UBAP2L: variants seen among roughly 807,000 people sequenced by gnomAD.
UBAP2L encodes ubiquitin associated protein 2 like, also known as ubiquitin-associated protein 2-like.
In UBAP2L, 12 loss-of-function variants were observed where a neutral mutation model predicts 130.6. The observed-to-expected ratio is 0.09, with a 90% CI of 0.06 to 0.15. The LOEUF is 0.15. Among genes scored for constraint, UBAP2L ranks in the 10% least tolerant of loss-of-function variants. The pLI, the probability that UBAP2L is intolerant of heterozygous loss-of-function variation, is 1.00. For synonymous variants in UBAP2L, 503 were observed against 524.7 expected (o/e 0.96, Z 0.57); for missense variants, 965 against 1,332.5 (o/e 0.72, Z 4.29).
At chr1:154,269,488 C>G in intron 26 of UBAP2L, 2 of 1,196,238 alleles carry the variant, frequency 1.7e-6, no homozygotes, top group Non-Finnish European at 2.2e-6. Flanking sequence ...CCTCAGGGAA[C>G]TTGAAAAGAC....
chr1:154,226,931 T>C lies in UBAP2L; in HGVS notation c.91-351T>C, dbSNP rs1668133245. Among the ~76,000 whole-genome samples the C allele has an allele frequency of 3.9e-5, 6 of 152,208 alleles. 1 individual carries two copies. The South Asian group carries it at 1.2e-3, about 32-fold the overall frequency. ...TCCTCCTCCCAGATTCAAGCAATTC[T>C]CCTGCCTCAGCCTCCCGAGTAGCTG... On this transcript the variant is annotated intron_variant, in intron 2 of 26. Transcript: ENST00000428931.
chr1:154,234,989 T>C (rs967899398), intron 5 of UBAP2L, among the ~76,000 whole-genome samples: 1 of 152,186 alleles, frequency 6.6e-6, no homozygotes, highest in African/African-American at 2.4e-5. Flanking sequence ...AAATTTGACT[T>C]GCAGCTCTCC....
At chr1:154,222,984 CAAGT>C (rs1029237020) in intron 1 of UBAP2L, among the ~76,000 whole-genome samples, 6 of 152,254 alleles carry the variant, frequency 3.9e-5, no homozygotes, top group Non-Finnish European at 7.4e-5. Flanking sequence ...TAAGAAAGAG[CAAGT>C]AAGTAACAAG....
At chr1:154,236,456 T>C (rs1671714042) in intron 6 of UBAP2L, 110 bp from the exon 7 acceptor site, 8 of 1,197,872 alleles carry the variant, frequency 6.7e-6, no homozygotes, top group Non-Finnish European at 9.9e-6. Context: ...GCCCTCAGCC[T>C]TTCAAAGTGC....
intron 8 of UBAP2L, among the ~76,000 whole-genome samples, chr1:154,241,307 C>G (rs573696310): frequency 6.6e-6 from 1 of 152,042 alleles, no homozygotes; most frequent in Non-Finnish European, 1.5e-5. Flanking sequence ...AGGCTGGTCT[C>G]GAACTCCCGA....
downstream of UBAP2L, chr1:154,271,042 T>C (rs1215260451): frequency 5.0e-6 from 6 of 1,204,622 alleles, no homozygotes; most frequent in Admixed American, 9.1e-5. Flanking sequence ...CTTGAGGGGA[T>C]TTCCTTCCCC....
At chr1:154,267,151 G>GTTTTTT (rs36051247) in intron 25 of UBAP2L, among the ~76,000 whole-genome samples, 21 of 108,618 alleles carry the variant, frequency 1.9e-4, no homozygotes, top group East Asian at 3.0e-4. Flanking sequence ...TATCCAACGA[G>GTTTTTT]TTTTTTTTTT....
chr1:154,245,970 C>G (rs779249159), intron 10 of UBAP2L, among the ~76,000 whole-genome samples: 2 of 152,134 alleles, frequency 1.3e-5, no homozygotes, highest in Non-Finnish European at 2.9e-5. Flanking sequence ...AATAACTTCA[C>G]TTAAAAAATT....
At chr1:154,245,065 G>A (rs1301622355) in intron 10 of UBAP2L, among the ~76,000 whole-genome samples, 1 of 152,140 alleles carries the variant, frequency 6.6e-6, no homozygotes, top group African/African-American at 2.4e-5. Context: ...CCGAGTAGCT[G>A]GTATAGTAGG....
At chr1:154,233,122 T>A (rs1008302957) in intron 4 of UBAP2L, among the ~76,000 whole-genome samples, 2 of 152,056 alleles carry the variant, frequency 1.3e-5, no homozygotes, top group Non-Finnish European at 2.9e-5. Flanking sequence ...CAAGCGATTC[T>A]CCTGCCCCAG....
upstream of UBAP2L, chr1:154,220,902 G>C: frequency 5.8e-6 from 1 of 173,834 alleles, no homozygotes; most frequent in South Asian, 8.4e-5. Flanking sequence ...GGAGGGAGGG[G>C]GTGGGGAAGA....
At chr1:154,245,099 GTT>G (rs1674973046) in intron 10 of UBAP2L, among the ~76,000 whole-genome samples, 1 of 152,044 alleles carries the variant, frequency 6.6e-6, no homozygotes, top group Non-Finnish European at 1.5e-5. Flanking sequence ...GCCAGGCTAA[GTT>G]TTGTATTTTT....
chr1:154,225,723 C>T (rs867619615), intron 2 of UBAP2L, among the ~76,000 whole-genome samples: 2 of 152,098 alleles, frequency 1.3e-5, no homozygotes, highest in African/African-American at 4.8e-5. Context: ...AGTCACTGCC[C>T]GGCTCTATAA....
Position 154,270,282 on chromosome 1 carries a change from G to T in UBAP2L, c.3251G>T (p.Trp1084Leu). Residue 1084 changes from tryptophan to leucine, a missense_variant, in exon 27 of 27, where the codon TGG (tryptophan) becomes TTG (leucine). Around this residue, in one of 9 missense-constraint regions of UBAP2L, gnomAD observed 194 missense variants for 334.0 expected, o/e 0.58. Coordinates refer to ENST00000428931, the MANE Select transcript of UBAP2L (RefSeq NM_014847.4). ...AAGTCTGCCTACAACAGCTACAGCT[G>T]GGGGGCCAACTGAGGCCCTGACCCT... ...TNKSAYNSYS[W>L]GAN is the part of the protein sequence containing the mutation. The T allele has an allele frequency of 6.2e-7, 1 of 1,613,788 alleles. No individual in the cohort carries two copies.
chr1:154,222,411 C>A (rs761512114), intron 1 of UBAP2L, among the ~76,000 whole-genome samples: 5 of 152,156 alleles, frequency 3.3e-5, no homozygotes, highest in Non-Finnish European at 7.4e-5. Context: ...GCTTTGAGAT[C>A]TGACACCATT....
intron 25 of UBAP2L, among the ~76,000 whole-genome samples, chr1:154,267,159 T>C (rs1017351808): frequency 1.4e-5 from 2 of 147,762 alleles, no homozygotes; most frequent in African/African-American, 5.0e-5. Context: ...GAGTTTTTTT[T>C]TTTTTTTTTT....
intron 10 of UBAP2L, 120 bp from the exon 11 acceptor site, chr1:154,246,084 T>C: frequency 9.2e-7 from 1 of 1,089,870 alleles, no homozygotes; most frequent in Non-Finnish European, 1.3e-6. Flanking sequence ...CTTTTGTGTT[T>C]GAACCCTTTT....
chr1:154,235,419 C>T (rs923817363), intron 6 of UBAP2L, 128 bp downstream of exon 6: 8 of 583,316 alleles, frequency 1.4e-5, no homozygotes, highest in Admixed American at 7.0e-5. Flanking sequence ...GTGGCACAGT[C>T]ATAGCTCACT....
At chr1:154,240,648 T>A (rs933877067) in intron 8 of UBAP2L, among the ~76,000 whole-genome samples, 2 of 152,146 alleles carry the variant, frequency 1.3e-5, no homozygotes. Context: ...GCATTTTTAA[T>A]CTAATTCTCA....
Sources: allele counts gnomAD v4.1 joint callset (sites outside exome capture counted in the v4.1 genomes callset), GRCh38; gene constraint gnomAD v4.1.1; regional missense constraint gnomAD v4.1.1; transcripts MANE v1.5; gene names NCBI Gene and HGNC (gene_info 2026-07-23, HGNC 2026-07-21).